The following BCAS1 variants were observed in gnomAD, a reference collection of about 807,000 sequenced individuals.
The protein encoded by BCAS1 is brain enriched myelin associated protein 1.
Under a neutral mutation model 65.4 loss-of-function variants are expected in BCAS1, and 46 were observed. The ratio of observed to expected loss-of-function variants is 0.70; its 90% CI spans 0.55 to 0.90. The LOEUF (loss-of-function observed/expected upper bound fraction) is 0.90, where lower values mean the gene tolerates loss of function less well. BCAS1 is among the 40% of genes least tolerant of loss of function. The probability of loss-of-function intolerance (pLI) is 0.00; values close to 1 mark genes in which losing one functional copy is unlikely to be tolerated. For missense variants in BCAS1, 793 were observed against 771.2 expected (o/e 1.03, Z -0.33); for synonymous variants, 298 against 293.5 (o/e 1.02, Z -0.16).
At chr20:53,975,235 C>T (rs185341166) in intron 9 of BCAS1, among the ~76,000 whole-genome samples, 154 bp downstream of exon 9, 2 of 152,120 alleles carry the variant, frequency 1.3e-5, no homozygotes, top group African/African-American at 4.8e-5. Context: ...ATCCTCCATG[C>T]GTCCCTAATC....
intron 3 of BCAS1, among the ~76,000 whole-genome samples, chr20:54,054,875 A>T (rs1366793850): frequency 6.6e-6 from 1 of 152,236 alleles, no homozygotes. Flanking sequence ...ATACATATAT[A>T]TGAAATATGC....
At chr20:53,979,557 G>A (rs184318142) in intron 8 of BCAS1, among the ~76,000 whole-genome samples, 140 of 152,320 alleles carry the variant, frequency 9.2e-4, no homozygotes, top group African/African-American at 3.2e-3. Flanking sequence ...GTGAACTCTC[G>A]TGGGCTTGGG....
At chr20:53,999,417 T>C (rs143238705) in intron 4 of BCAS1, among the ~76,000 whole-genome samples, 1 of 152,330 alleles carries the variant, frequency 6.6e-6, no homozygotes, top group East Asian at 1.9e-4. Context: ...AAACATCATG[T>C]CCAAGGCCAC....
chr20:53,951,757 C>T (rs1337465444), intron 12 of BCAS1, among the ~76,000 whole-genome samples: 2 of 152,238 alleles, frequency 1.3e-5, no homozygotes, highest in African/African-American at 4.8e-5. Flanking sequence ...CTCAGGGCTA[C>T]AAACTGGCAT....
chr20:53,945,202 TGG>T (rs1311908588), intron 12 of BCAS1, among the ~76,000 whole-genome samples: 1 of 152,210 alleles, frequency 6.6e-6, no homozygotes, highest in African/African-American at 2.4e-5. Flanking sequence ...TGTGAAATCT[TGG>T]ACAAATTACT....
At chr20:54,062,883 A>G (rs150380265) in intron 1 of BCAS1, among the ~76,000 whole-genome samples, 1 of 152,218 alleles carries the variant, frequency 6.6e-6, no homozygotes, top group South Asian at 2.1e-4. Context: ...CTGTCCATCA[A>G]CCTTTTAAAG....
intron 4 of BCAS1, among the ~76,000 whole-genome samples, chr20:54,011,236 CA>C (rs2091312837): frequency 6.6e-6 from 1 of 151,916 alleles, no homozygotes; most frequent in Non-Finnish European, 1.5e-5. Context: ...AATTGGAATT[CA>C]TCAAAACTAA....
Position 53,944,378 on chromosome 20 carries a change from G to A in BCAS1, c.*544C>T, listed in dbSNP as rs1055140803. On this transcript the variant is annotated 3_prime_UTR_variant, in exon 13 of 13. Transcript: ENST00000688948. The stretch of plus-strand genomic sequence containing the variant: ...GGGTGGAGTGCAATGGTGCAACTTC[G>A]GCTCACTGCAACCTCCACCTCCTGG... The A allele has an allele frequency of 6.6e-6, 1 of 152,198 alleles. No individual in the cohort carries two copies. The highest frequency in any genetic ancestry group is 2.4e-5 in the African/African-American group (1 of 41,096). The allele number at this position is 152,198 out of a possible 1,614,324, so 9.4% of individuals were successfully genotyped here. A position where few individuals can be genotyped will look rare whatever the true frequency, so the allele number is the denominator to read the frequency against.
intron 1 of BCAS1, among the ~76,000 whole-genome samples, chr20:54,069,846 CT>C: frequency 6.6e-6 from 1 of 152,278 alleles, no homozygotes; most frequent in Middle Eastern, 3.4e-3. Context: ...CACCCGCATT[CT>C]AATCGCAATG....
intron 3 of BCAS1, among the ~76,000 whole-genome samples, chr20:54,030,922 T>C (rs1431708300): frequency 6.6e-6 from 1 of 151,478 alleles, no homozygotes. Context: ...AAGTAAGTGA[T>C]AGATGGATGC....
At position 53,944,724 on chromosome 20, in the gene BCAS1, G is replaced by A. The variant is rs916655868; in HGVS notation, c.*198C>T. 5 of 601,316 alleles carry A rather than the reference G, an allele frequency of 8.3e-6. No homozygotes were observed. Among genetic ancestry groups the A allele is most frequent in the African/African-American group, 7.4e-5 (4 of 54,138 alleles). The allele number at this position is 601,316 out of a possible 1,614,324, so 37.2% of individuals were successfully genotyped here. A position where few individuals can be genotyped will look rare whatever the true frequency, so the allele number is the denominator to read the frequency against. On this transcript the variant is annotated 3_prime_UTR_variant, in exon 13 of 13. Transcript: ENST00000688948. ...GGTGACCTGCTAAACCATCTTTACT[G>A]TTATTTGCCAGAAAAGACTGGACCA...
At chr20:53,976,579 T>C (rs971329683) in intron 8 of BCAS1, among the ~76,000 whole-genome samples, 5 of 152,232 alleles carry the variant, frequency 3.3e-5, no homozygotes, top group Admixed American at 1.3e-4. Context: ...GAGTAAGAAA[T>C]AGAAGTTCAG....
intron 10 of BCAS1, among the ~76,000 whole-genome samples, chr20:53,966,380 G>A (rs2090026606): frequency 6.6e-6 from 1 of 152,190 alleles, no homozygotes; most frequent in Admixed American, 6.5e-5. Context: ...CTCAGGAATG[G>A]AAAACCAAAT....
intron 1 of BCAS1, among the ~76,000 whole-genome samples, chr20:54,065,153 T>TCC (rs2092422606): frequency 2.2e-5 from 3 of 137,880 alleles, no homozygotes; most frequent in Non-Finnish European, 3.2e-5. Context: ...TCTATCTATC[T>TCC]ATCTATCTAT....
intron 7 of BCAS1, among the ~76,000 whole-genome samples, chr20:53,989,064 A>G (rs1600795828): frequency 1.3e-5 from 2 of 152,232 alleles, no homozygotes; most frequent in East Asian, 3.8e-4. Context: ...TTAGATATTA[A>G]CATGGTCTGT....
At position 53,996,007 on chromosome 20, in the gene BCAS1, G is replaced by C. The variant is rs1309165117; in HGVS notation, c.767C>G (p.Thr256Ser). 1 of 1,610,850 alleles carries C rather than the reference G, an allele frequency of 6.2e-7. No individual in the cohort carries two copies. Among genetic ancestry groups the C allele is most frequent in the Non-Finnish European group, 8.5e-7 (1 of 1,178,334 alleles). ...GKEKEGQELG[T>S]ADCSVPGDPE... is the part of the protein sequence containing the mutation. ...GTCCCCAGGGACAGAGCAATCCGCA[G>C]TTCCAAGTTCTTGTCCTTCTTTTTC... is the stretch of plus-strand genomic sequence containing the variant. Residue 256 changes from threonine to serine, a missense_variant, in exon 5 of 13, where the codon ACT becomes AGT. Coordinates refer to ENST00000688948, the MANE Select transcript of BCAS1 (RefSeq NM_001366298.2).
At position 54,028,450 on chromosome 20, in the gene BCAS1, T is replaced by G. The variant is rs764218969; in HGVS notation, c.665A>C (p.Asp222Ala). Residue 222 changes from aspartate (D) to alanine (A), a missense_variant, in exon 4 of 13, where the codon GAC becomes GCC. Asp to Ala is a moderately radical substitution (Grantham distance 126, BLOSUM62 -2). Coordinates refer to ENST00000688948, the MANE Select transcript of BCAS1 (RefSeq NM_001366298.2). ...TAAGCCAGGAACCTCATCCACCTTG[T>G]CTTGATGCTCTGCCCTCTTGGCTTC... ...QQEAKRAEHQ[D>A]KVDEVPGLSG... The G allele has an allele frequency of 6.2e-7, 1 of 1,614,226 alleles. No individual in the cohort carries two copies. Among genetic ancestry groups the G allele is most frequent in the East Asian group, 2.2e-5 (1 of 44,888 alleles).
At chr20:53,958,975 G>A (rs910766239) in intron 10 of BCAS1, among the ~76,000 whole-genome samples, 2 of 152,172 alleles carry the variant, frequency 1.3e-5, no homozygotes, top group Non-Finnish European at 2.9e-5. Context: ...GTTGCTGAAT[G>A]TTAGATTAAA....
chr20:54,032,276 A>C (rs2091817340), intron 3 of BCAS1, among the ~76,000 whole-genome samples: 1 of 151,330 alleles, frequency 6.6e-6, no homozygotes, highest in South Asian at 2.1e-4. Context: ...CAGACAAGCA[A>C]ATGCTAAGGG....
Sources: allele counts gnomAD v4.1 joint callset (sites outside exome capture counted in the v4.1 genomes callset), GRCh38; gene constraint gnomAD v4.1.1; transcripts MANE v1.5; gene names NCBI Gene and HGNC (gene_info 2026-07-23, HGNC 2026-07-21).